Variants in CFAP54 observed in about 807,000 individuals in gnomAD.
CFAP54 encodes the protein cilia and flagella associated protein 54.
Under a neutral mutation model 370.4 loss-of-function variants are expected in CFAP54, and 290 were observed. The ratio of observed to expected loss-of-function variants is 0.78; its 90% confidence interval spans 0.71 to 0.86. The LOEUF is 0.86. CFAP54 is among the 40% of genes least tolerant of loss of function. CFAP54 has a pLI of 0.00. For missense variants in CFAP54, 3,399 were observed against 3,528.7 expected (o/e 0.96, Z 0.93); for synonymous variants, 1,206 against 1,236.5 (o/e 0.98, Z 0.52).
intron 42 of CFAP54, among the ~76,000 whole-genome samples, chr12:96,685,933 G>A (rs1420466651): frequency 2.0e-5 from 3 of 152,170 alleles, no homozygotes; most frequent in Non-Finnish European, 2.9e-5. Flanking sequence ...TCAGGCATGG[G>A]CCTCATTCAA....
At chr12:96,625,465 T>C (rs529917243) in intron 28 of CFAP54, among the ~76,000 whole-genome samples, 1 of 152,350 alleles carries the variant, frequency 6.6e-6, no homozygotes, top group African/African-American at 2.4e-5. Context: ...AATCATGCCT[T>C]GGAAACTCTT....
chr12:96,564,668 A>G lies in CFAP54; in HGVS notation c.2522A>G (p.Lys841Arg), dbSNP rs1293443633. Residue 841 changes from lysine (K) to arginine (R), a missense_variant, in exon 19 of 68, where the codon AAG becomes AGG. Transcript: ENST00000524981. Reference sequence around the variant, plus strand: ...GAATTAAATATAATGAATAAAATAAAGAAGAATACATTATCCAAAGCAATT... The same window carrying G: ...GAATTAAATATAATGAATAAAATAAGGAAGAATACATTATCCAAAGCAATT... ...FTELNIMNKI[K>R]KNTLSKAIYL... 1 of 637,568 alleles carries G rather than the reference A, an allele frequency of 1.6e-6. No individual in the cohort carries two copies. The highest frequency in any genetic ancestry group is 2.8e-5 in the East Asian group (1 of 36,032). 39.5% of individuals were successfully genotyped at this position (637,568 alleles called of 1,614,324 possible).
intron 3 of CFAP54, among the ~76,000 whole-genome samples, chr12:96,504,424 T>G (rs1050667726): frequency 2.6e-5 from 4 of 152,236 alleles, no homozygotes; most frequent in Non-Finnish European, 5.9e-5. Context: ...TAAACATAAA[T>G]CTATTGATAT....
chr12:96,797,673 G>A (rs1198386650), intron 63 of CFAP54, among the ~76,000 whole-genome samples: 2 of 151,882 alleles, frequency 1.3e-5, no homozygotes, highest in African/African-American at 4.8e-5. Flanking sequence ...TGCTAACATA[G>A]GAAAGTGGCT....
intron 5 of CFAP54, among the ~76,000 whole-genome samples, chr12:96,517,889 G>T (rs191927620): frequency 6.6e-6 from 1 of 152,316 alleles, no homozygotes; most frequent in African/African-American, 2.4e-5. Flanking sequence ...GAGGGAGAGG[G>T]CAGGCTACAT....
intron 63 of CFAP54, 91 bp downstream of exon 63, chr12:96,792,590 A>G (rs1958714235): frequency 7.4e-6 from 7 of 950,614 alleles, no homozygotes; most frequent in Middle Eastern, 4.5e-4. Context: ...ACATTCTCTT[A>G]TCATATAGAT....
At chr12:96,785,145 A>G (rs1958616231) in intron 61 of CFAP54, among the ~76,000 whole-genome samples, 1 of 152,222 alleles carries the variant, frequency 6.6e-6, no homozygotes, top group Admixed American at 6.5e-5. Flanking sequence ...GGAGGCATCC[A>G]GAGGCTTTCC....
rs1240846861 is a variant in CFAP54 at position 96,784,830 on chromosome 12, A to G, written c.8395A>G (p.Ile2799Val). The change falls in exon 61 of 68, where the codon ATC (isoleucine) becomes GTC (valine). Residue 2799 changes from isoleucine (I) to valine (V), a missense_variant. Physicochemically the swap from Ile to Val is conservative, Grantham distance 29. Around this residue, in one of 3 missense-constraint regions of CFAP54, gnomAD observed 2,796 missense variants for 2,869.7 expected, o/e 0.97. Coordinates refer to ENST00000524981, the MANE Select transcript of CFAP54 (RefSeq NM_001306084.2). ...KTQTKVDITW[I>V]LLLRYYIHLQ... ...TCAGACCAAAGTGGATATTACATGG[A>G]TCCTTCTACTGCGCTACTATATTCA... 3 of 1,533,910 alleles carry G rather than the reference A, an allele frequency of 2.0e-6. No individual in the cohort carries two copies. Among genetic ancestry groups the G allele is most frequent in the African/African-American group, 2.7e-5 (2 of 72,958 alleles).
At position 96,679,710 on chromosome 12, in the gene CFAP54, C is replaced by T. The variant is rs765570349; in HGVS notation, c.5674C>T (p.His1892Tyr). 6 of 1,613,474 alleles carry T rather than the reference C, an allele frequency of 3.7e-6. No homozygotes were observed. The highest frequency in any genetic ancestry group is 3.3e-5 in the Admixed American group (2 of 59,946). The change falls in exon 40 of 68, where the codon CAC becomes TAC. Residue 1892 changes from histidine (H) to tyrosine (Y), a missense_variant. Transcript: ENST00000524981. ...KSKYHNRSIR[H>Y]SRKLLSLFLA... ...CAAATACCATAACAGATCAATCCGA[C>T]ACAGCAGAAAGTTGCTTTCATTATT...
At chr12:96,781,533 G>A (rs565601017) in intron 60 of CFAP54, among the ~76,000 whole-genome samples, 2 of 152,138 alleles carry the variant, frequency 1.3e-5, no homozygotes, top group South Asian at 2.1e-4. Context: ...AACAATGAAG[G>A]GTTTGTTATG....
Position 96,621,590 on chromosome 12 carries a change from A to T in CFAP54, c.3640A>T (p.Ile1214Phe), listed in dbSNP as rs189047239. The T allele has an allele frequency of 5.4e-4, 793 of 1,455,072 alleles. 4 individuals carry two copies. The African/African-American group carries it at 9.6e-3, about 18-fold the overall frequency. The allele number at this position is 1,455,072 out of a possible 1,614,324, so 90.1% of individuals were successfully genotyped here. ...IACCIFYITK[I>F]LRSWREYDLA... ...ATAATTAATAAATATTTTAAATTAGATTCTTCGTTCATGGAGGGAATATGA... is the reference window on the plus strand; with the variant it reads ...ATAATTAATAAATATTTTAAATTAGTTTCTTCGTTCATGGAGGGAATATGA... Residue 1214 changes from isoleucine (I) to phenylalanine (F), a missense_variant and splice_region_variant, in exon 27 of 68, where the codon ATT becomes TTT. Ile to Phe is a conservative substitution (Grantham distance 21). Transcript: ENST00000524981.
intron 8 of CFAP54, among the ~76,000 whole-genome samples, chr12:96,524,020 A>G (rs1430685576): frequency 6.6e-6 from 1 of 151,990 alleles, no homozygotes; most frequent in African/African-American, 2.4e-5. Context: ...TTACCTTGGC[A>G]TATTTTGCAG....
Position 96,615,779 on chromosome 12 carries a change from C to T in CFAP54, c.3640-5811C>T, listed in dbSNP as rs530562297. 2.6e-4 allele frequency among the ~76,000 whole-genome samples: 39 copies of T among 152,242 alleles called. 1 individual carries two copies. The South Asian group carries it at 7.0e-3, about 28-fold the overall frequency. On this transcript the variant is annotated intron_variant, in intron 26 of 67. Coordinates refer to ENST00000524981, the MANE Select transcript of CFAP54 (RefSeq NM_001306084.2). ...ATGAAAAAATGCTCATCATCACTGG[C>T]CATCAGAGAAATGCAAATCAAAACC...
chr12:96,717,173 G>T (rs1283940910), intron 48 of CFAP54, among the ~76,000 whole-genome samples: 1 of 152,194 alleles, frequency 6.6e-6, no homozygotes, highest in Admixed American at 6.5e-5. Flanking sequence ...TCTTCCTAGG[G>T]TCTTTTGTAT....
chr12:96,824,752 C>A (rs761756938), intron 65 of CFAP54, among the ~76,000 whole-genome samples: 2 of 152,250 alleles, frequency 1.3e-5, no homozygotes, highest in South Asian at 4.1e-4. Context: ...GGTGTCCTAG[C>A]TGATTTCTCT....
chr12:96,583,977 G>T (rs566834544), intron 22 of CFAP54, among the ~76,000 whole-genome samples: 1 of 152,182 alleles, frequency 6.6e-6, no homozygotes, highest in Admixed American at 6.5e-5. Flanking sequence ...AGGTCTTCAT[G>T]ATCTGTATTG....
intron 60 of CFAP54, among the ~76,000 whole-genome samples, chr12:96,774,211 G>C (rs889376649): frequency 6.6e-6 from 1 of 152,024 alleles, no homozygotes; most frequent in Non-Finnish European, 1.5e-5. Flanking sequence ...CAACATTTTA[G>C]TTGTGATATT....
At chr12:96,575,524 AGAG>A (rs375347928) in intron 19 of CFAP54, among the ~76,000 whole-genome samples, 26 of 152,222 alleles carry the variant, frequency 1.7e-4, no homozygotes, top group Non-Finnish European at 2.9e-4. Flanking sequence ...AATGAAAGAA[AGAG>A]GAGGAGGAGT....
intron 12 of CFAP54, among the ~76,000 whole-genome samples, chr12:96,538,085 C>T (rs1955527257): frequency 8.0e-6 from 1 of 124,908 alleles, no homozygotes; most frequent in African/African-American, 2.9e-5. Context: ...AGAGTGAGGC[C>T]CTGTTTCAAA....
Sources: allele counts gnomAD v4.1 joint callset (sites outside exome capture counted in the v4.1 genomes callset), GRCh38; gene constraint gnomAD v4.1.1; regional missense constraint gnomAD v4.1.1; transcripts MANE v1.5; gene names NCBI Gene and HGNC (gene_info 2026-07-23, HGNC 2026-07-21).